NRG1: variants seen among roughly 807,000 people sequenced by gnomAD.
NRG1 encodes the protein pro-neuregulin-1, membrane-bound isoform.
NRG1 carries 18 observed loss-of-function variants against 63.8 expected under a neutral mutation model. The observed-to-expected ratio is 0.28, with a 90% CI of 0.19 to 0.42. NRG1 has a LOEUF of 0.42. NRG1 is among the 10% of genes least tolerant of loss of function. NRG1 has a pLI of 1.00. For synonymous variants in NRG1, 302 were observed against 301.3 expected, an observed-to-expected ratio of 1.00 and a Z score of -0.02; for missense variants, 762 against 814.7, an observed-to-expected ratio of 0.94 and a Z score of 0.79.
At chr8:32,537,554 G>T (rs1832136957) in intron 1 of NRG1, among the ~76,000 whole-genome samples, 2 of 152,172 alleles carry the variant, frequency 1.3e-5, no homozygotes, top group Non-Finnish European at 2.9e-5. Context: ...GGCTGGCCTG[G>T]ATTCAGAGAT....
chr8:32,329,333 T>G (rs1313145719), intron 1 of NRG1, among the ~76,000 whole-genome samples: 7 of 152,214 alleles, frequency 4.6e-5, no homozygotes, highest in Non-Finnish European at 1.0e-4. Flanking sequence ...ATGATTTAAT[T>G]ATAAAACTCA....
At chr8:32,531,984 A>G (rs1306186054) in intron 1 of NRG1, among the ~76,000 whole-genome samples, 1 of 152,190 alleles carries the variant, frequency 6.6e-6, no homozygotes. Context: ...TAGTAATTAC[A>G]CCTGGACCAA....
intron 1 of NRG1, among the ~76,000 whole-genome samples, chr8:31,794,398 TATAA>T (rs1253969010): frequency 1.3e-5 from 2 of 151,720 alleles, no homozygotes; most frequent in African/African-American, 4.8e-5. Context: ...TGTTAGCTGT[TATAA>T]ATGATACAAA....
At chr8:32,385,292 T>C (rs1810868661) in intron 1 of NRG1, among the ~76,000 whole-genome samples, 1 of 152,182 alleles carries the variant, frequency 6.6e-6, no homozygotes, top group South Asian at 2.1e-4. Flanking sequence ...CCCAAAGTGC[T>C]GGGATTACAG....
At chr8:31,645,837 A>G (rs1804233905) in intron 1 of NRG1, among the ~76,000 whole-genome samples, 1 of 152,210 alleles carries the variant, frequency 6.6e-6, no homozygotes, top group African/African-American at 2.4e-5. Context: ...TACAGTCTGG[A>G]TGGACCGTAA....
At chr8:31,909,433 A>G (rs1267604329) in intron 1 of NRG1, among the ~76,000 whole-genome samples, 16 of 152,066 alleles carry the variant, frequency 1.1e-4, no homozygotes, top group Admixed American at 1.0e-3. Context: ...TTCCATGCTG[A>G]TGCATGGAAG....
At chr8:31,661,536 T>C (rs1477461530) in intron 1 of NRG1, among the ~76,000 whole-genome samples, 1 of 152,228 alleles carries the variant, frequency 6.6e-6, no homozygotes. Flanking sequence ...ATGATTATTT[T>C]GATTCCTGTA....
At chr8:31,862,664 T>G (rs1828573309) in intron 1 of NRG1, among the ~76,000 whole-genome samples, 1 of 152,170 alleles carries the variant, frequency 6.6e-6, no homozygotes, top group Non-Finnish European at 1.5e-5. Context: ...TTAAAGTAAT[T>G]TTGCTTGTTT....
At chr8:32,500,936 C>G (rs756080933) in intron 1 of NRG1, among the ~76,000 whole-genome samples, 8 of 152,136 alleles carry the variant, frequency 5.3e-5, no homozygotes, top group Admixed American at 1.3e-4. Context: ...ATCAGCTTCT[C>G]CATTAGTTCT....
At chr8:32,686,148 G>A (rs1235400642) in intron 5 of NRG1, among the ~76,000 whole-genome samples, 6 of 152,102 alleles carry the variant, frequency 3.9e-5, no homozygotes, top group Admixed American at 1.3e-4. Context: ...GGTTAGTGCT[G>A]TCTCCTTGAT....
At chr8:32,509,986 T>A (rs1047443710) in intron 1 of NRG1, among the ~76,000 whole-genome samples, 1 of 152,036 alleles carries the variant, frequency 6.6e-6, no homozygotes, top group Non-Finnish European at 1.5e-5. Context: ...TTTGGAATTT[T>A]TTTTGCTTGT....
At chr8:32,462,860 TC>T (rs1353699685) in intron 1 of NRG1, among the ~76,000 whole-genome samples, 1 of 152,080 alleles carries the variant, frequency 6.6e-6, no homozygotes, top group Non-Finnish European at 1.5e-5. Context: ...TGCCTTGGCC[TC>T]CCAAAGTTCT....
intron 1 of NRG1, among the ~76,000 whole-genome samples, chr8:31,978,103 C>T (rs1412429033): frequency 6.6e-6 from 1 of 152,034 alleles, no homozygotes; most frequent in Non-Finnish European, 1.5e-5. Context: ...GAATTTGCCT[C>T]TGATAATTAT....
chr8:31,876,366 G>C (rs904373033), intron 1 of NRG1, among the ~76,000 whole-genome samples: 1 of 152,132 alleles, frequency 6.6e-6, no homozygotes, highest in African/African-American at 2.4e-5. Flanking sequence ...ATCAATTTCT[G>C]TTTGAGGTTG....
At chr8:31,660,059 A>G (rs1000725263) in intron 1 of NRG1, among the ~76,000 whole-genome samples, 14 of 152,348 alleles carry the variant, frequency 9.2e-5, no homozygotes, top group Admixed American at 7.2e-4. Context: ...TGGAATTCAG[A>G]ACCAAGTTCG....
chr8:32,442,387 T>A (rs1462058681), intron 1 of NRG1: 1 of 152,190 alleles, frequency 6.6e-6, no homozygotes, highest in Non-Finnish European at 1.5e-5. Context: ...CTTTGGCACT[T>A]CCCACATCCT....
intron 1 of NRG1, among the ~76,000 whole-genome samples, chr8:31,776,025 A>G (rs2131592110): frequency 6.6e-6 from 1 of 151,952 alleles, no homozygotes; most frequent in Admixed American, 6.6e-5. Context: ...ATAGTTTGTT[A>G]GGAGCACTAA....
At chr8:32,587,110 A>G (rs1178994731) in intron 1 of NRG1, among the ~76,000 whole-genome samples, 1 of 152,096 alleles carries the variant, frequency 6.6e-6, no homozygotes, top group Non-Finnish European at 1.5e-5. Context: ...GTGAGAGGCT[A>G]AGGCAGGAGG....
At position 32,572,889 on chromosome 8, in the gene NRG1, A is replaced by G. The variant is rs978067065; in HGVS notation, c.101-22939A>G. On this transcript the variant is annotated intron_variant, in intron 1 of 11. Coordinates refer to ENST00000356819, the Ensembl canonical transcript of NRG1. ...ATAAAATTATACACACCAAATAAATAAATATCAAATAATATATTAATCTAC... is the reference window on the plus strand; with the variant it reads ...ATAAAATTATACACACCAAATAAATGAATATCAAATAATATATTAATCTAC... Among the ~76,000 whole-genome samples, 5 of 152,308 alleles carry G rather than the reference A, an allele frequency of 3.3e-5. No homozygotes were observed. In the East Asian group the frequency reaches 9.6e-4, roughly 29 times the overall value.
Sources: gnomAD v4.1 joint callset for allele counts (sites outside exome capture counted in the v4.1 genomes callset) on GRCh38, gnomAD v4.1.1 for gene constraint, MANE v1.5 for transcripts, NCBI Gene and HGNC (gene_info 2026-07-23, HGNC 2026-07-21) for gene names.